PHACTR1: variants seen among roughly 807,000 people sequenced by gnomAD.
PHACTR1 encodes the protein phosphatase and actin regulator 1.
Under a neutral mutation model 69.2 loss-of-function variants are expected in PHACTR1, and 16 were observed. The observed-to-expected ratio is 0.23, with a 90% confidence interval of 0.16 to 0.35. The LOEUF is 0.35. PHACTR1 is among the 10% of genes least tolerant of loss of function. PHACTR1 has a pLI of 1.00. For missense variants in PHACTR1, 510 were observed against 734.7 expected (o/e 0.69, Z 3.54); for synonymous variants, 312 against 284.5 (o/e 1.10, Z -0.97).
At chr6:12,739,070 A>C (rs1764694438) in intron 3 of PHACTR1, among the ~76,000 whole-genome samples, 1 of 150,518 alleles carries the variant, frequency 6.6e-6, no homozygotes, top group Admixed American at 6.7e-5. Flanking sequence ...AGCCCCTTCA[A>C]ACTGAGTGCT....
chr6:12,961,529 C>T (rs1011532608), intron 4 of PHACTR1, among the ~76,000 whole-genome samples: 1 of 152,070 alleles, frequency 6.6e-6, no homozygotes, highest in African/African-American at 2.4e-5. Flanking sequence ...TATCCTGTGT[C>T]CAAACTGAAA....
chr6:13,114,682 C>T (rs1033159371), intron 5 of PHACTR1, among the ~76,000 whole-genome samples: 121 of 152,224 alleles, frequency 7.9e-4, no homozygotes, highest in African/African-American at 2.9e-3. Context: ...TACTTGTTGT[C>T]ACTACTTGTA....
At chr6:13,252,178 C>G (rs1212736463) in intron 10 of PHACTR1, among the ~76,000 whole-genome samples, 1 of 150,014 alleles carries the variant, frequency 6.7e-6, no homozygotes, top group Non-Finnish European at 1.5e-5. Context: ...ATCGCTTAGA[C>G]CAGCCTGAGC....
intron 7 of PHACTR1, chr6:13,185,033 C>CA: frequency 2.3e-6 from 3 of 1,330,520 alleles, no homozygotes; most frequent in Non-Finnish European, 3.0e-6. Flanking sequence ...CTGGGGCAAG[C>CA]AGTCCCTCCT....
At chr6:12,740,876 G>T (rs1336807554) in intron 3 of PHACTR1, among the ~76,000 whole-genome samples, 2 of 151,744 alleles carry the variant, frequency 1.3e-5, no homozygotes, top group Non-Finnish European at 2.9e-5. Flanking sequence ...TCCTGATATT[G>T]ATGATTCATA....
At chr6:12,856,340 G>A (rs1490362693) in intron 4 of PHACTR1, among the ~76,000 whole-genome samples, 1 of 145,920 alleles carries the variant, frequency 6.9e-6, no homozygotes, top group Non-Finnish European at 1.5e-5. Flanking sequence ...TGCAAGCTCC[G>A]CCTCCCAGGC....
At chr6:12,879,959 G>A (rs1412335198) in intron 4 of PHACTR1, among the ~76,000 whole-genome samples, 2 of 152,138 alleles carry the variant, frequency 1.3e-5, no homozygotes, top group South Asian at 2.1e-4. Flanking sequence ...TAGATCACTA[G>A]TAAAAGGATA....
chr6:12,830,107 A>AAGAAAGAC (rs1473842954), intron 4 of PHACTR1, among the ~76,000 whole-genome samples: 1 of 32,596 alleles, frequency 3.1e-5, no homozygotes, highest in Non-Finnish European at 1.1e-4. Flanking sequence ...GAAAGAAAGA[A>AAGAAAGAC]AGAAAGAAAG....
chr6:12,865,460 GT>G (rs1369228776), intron 4 of PHACTR1, among the ~76,000 whole-genome samples: 3 of 29,434 alleles, frequency 1.0e-4, no homozygotes, highest in East Asian at 6.1e-3. Context: ...TTTAATGGGT[GT>G]GTGTGTGTGT....
At chr6:13,004,403 T>C (rs1442115331) in intron 4 of PHACTR1, among the ~76,000 whole-genome samples, 1 of 152,172 alleles carries the variant, frequency 6.6e-6, no homozygotes, top group African/African-American at 2.4e-5. Flanking sequence ...CATATCTTTG[T>C]TGGCCCTTTG....
In PHACTR1 at chr6:13,228,042, G is replaced by A. The variant is rs764208808; in HGVS notation, c.1213G>A (p.Asp405Asn). 11 of 1,612,884 alleles carry A rather than the reference G, an allele frequency of 6.8e-6. No homozygotes were observed. Among genetic ancestry groups the A allele is most frequent in the East Asian group, 2.2e-5 (1 of 44,888 alleles). ...GGAGGAAGAGGAGGAGGACGAAGAC[G>A]ACGACAGCTCATTATACACCAGTGC... is the stretch of plus-strand genomic sequence containing the variant. ...EEEEEEEDED[D>N]DSSLYTSSLA... Residue 405 changes from aspartate to asparagine, a missense_variant, in exon 9 of 15, where the codon GAC becomes AAC. This residue lies in a region of PHACTR1 where 419 missense variants were observed against 530.9 expected (regional missense o/e 0.79). Coordinates refer to ENST00000332995, the MANE Select transcript of PHACTR1 (RefSeq NM_030948.6).
At chr6:13,118,312 C>T (rs915731199) in intron 5 of PHACTR1, among the ~76,000 whole-genome samples, 2 of 152,076 alleles carry the variant, frequency 1.3e-5, no homozygotes, top group Non-Finnish European at 2.9e-5. Context: ...GATCCCTTCA[C>T]ATCCTCAGAA....
intron 5 of PHACTR1, among the ~76,000 whole-genome samples, chr6:13,121,186 T>C (rs1818674172): frequency 6.6e-6 from 1 of 152,070 alleles, no homozygotes; most frequent in South Asian, 2.1e-4. Flanking sequence ...AGCAAAGAAG[T>C]ACAGTGTGCC....
At chr6:12,891,484 G>T (rs1784168382) in intron 4 of PHACTR1, among the ~76,000 whole-genome samples, 1 of 152,150 alleles carries the variant, frequency 6.6e-6, no homozygotes, top group African/African-American at 2.4e-5. Context: ...AGGAAACAAA[G>T]AAATGAAGTT....
chr6:12,882,093 T>C (rs1783156923), intron 4 of PHACTR1, among the ~76,000 whole-genome samples: 1 of 152,108 alleles, frequency 6.6e-6, no homozygotes, highest in Non-Finnish European at 1.5e-5. Flanking sequence ...CTTCGTTCAC[T>C]GTGAGGATGC....
chr6:13,264,947 G>A (rs980931274), intron 10 of PHACTR1: 5 of 151,816 alleles, frequency 3.3e-5, no homozygotes, highest in South Asian at 2.1e-4. Flanking sequence ...ACTTGAGTCC[G>A]AGAGGTTGAG....
At chr6:13,202,531 G>A (rs1475903580) in intron 7 of PHACTR1, among the ~76,000 whole-genome samples, 2 of 143,730 alleles carry the variant, frequency 1.4e-5, no homozygotes, top group African/African-American at 2.6e-5. Context: ...AGGCTATAGT[G>A]CAATGGTGCA....
At chr6:13,223,653 A>G (rs575347937) in intron 8 of PHACTR1, among the ~76,000 whole-genome samples, 4 of 152,312 alleles carry the variant, frequency 2.6e-5, no homozygotes, top group African/African-American at 9.6e-5. Flanking sequence ...AATTTGTAAT[A>G]CAGTAGGTTC....
intron 5 of PHACTR1, among the ~76,000 whole-genome samples, chr6:13,120,162 A>G (rs1381825635): frequency 6.6e-6 from 1 of 152,180 alleles, no homozygotes. Flanking sequence ...CCACATATGA[A>G]GGACTTCCCT....
Sources: gnomAD v4.1 joint callset for allele counts (sites outside exome capture counted in the v4.1 genomes callset) on GRCh38, gnomAD v4.1.1 for gene constraint, gnomAD v4.1.1 regional missense constraint, MANE v1.5 for transcripts, NCBI Gene and HGNC (gene_info 2026-07-23, HGNC 2026-07-21) for gene names.